KDM2B: variants seen among roughly 807,000 people sequenced by gnomAD.
KDM2B encodes lysine demethylase 2B, also known as lysine-specific demethylase 2B.
KDM2B carries 26 observed loss-of-function variants against 150.0 expected under a neutral mutation model. That is an observed-to-expected ratio of 0.17 (90% CI 0.13 to 0.24). KDM2B has a LOEUF of 0.24. Ranked by LOEUF, KDM2B falls within the 10% of genes least tolerant of loss-of-function variation. KDM2B has a pLI of 1.00. For synonymous variants in KDM2B, 734 were observed against 729.5 expected (o/e 1.01, Z -0.10); for missense variants, 1,265 against 1,816.9 (o/e 0.70, Z 5.52).
At chr12:121,526,320 T>G (rs1887128910) in intron 8 of KDM2B, among the ~76,000 whole-genome samples, 1 of 152,048 alleles carries the variant, frequency 6.6e-6, no homozygotes, top group East Asian at 1.9e-4. Context: ...GCCATTGCCC[T>G]CCAGCCTGGG....
intron 12 of KDM2B, among the ~76,000 whole-genome samples, chr12:121,480,569 G>C (rs1248681395): frequency 9.5e-6 from 1 of 105,798 alleles, no homozygotes; most frequent in Admixed American, 1.4e-4. Flanking sequence ...AACATAATGA[G>C]ACCCTGTCGC....
rs782533332 is a variant in KDM2B at position 121,578,789 on chromosome 12, G to A, written c.271+13C>T. ...CGCAGCGCAGAGGGCGGCCCGGGGT[G>A]GGGGCGCCTCACCTTTGCCCTCCAT... On this transcript the variant is annotated intron_variant, in intron 2 of 22. Coordinates refer to ENST00000377071, the MANE Select transcript of KDM2B (RefSeq NM_032590.5). 6.6e-7 allele frequency: 1 copy of A among 1,517,482 alleles called. No individual in the cohort carries two copies. The highest frequency in any genetic ancestry group is 1.2e-5 in the South Asian group (1 of 83,374). The allele number at this position is 1,517,482 out of a possible 1,614,324, so 94.0% of individuals were successfully genotyped here.
intron 12 of KDM2B, chr12:121,494,288 G>T: frequency 2.7e-6 from 1 of 373,360 alleles, no homozygotes; most frequent in Non-Finnish European, 4.9e-6. Flanking sequence ...AAGGGAGTGA[G>T]GGAAGGAGAG....
intron 12 of KDM2B, among the ~76,000 whole-genome samples, chr12:121,473,736 AGAG>A (rs1881034908): frequency 7.1e-6 from 1 of 141,520 alleles, no homozygotes; most frequent in Non-Finnish European, 1.6e-5. Context: ...AAAAAAAAAG[AGAG>A]AGAGAGAGAG....
At chr12:121,461,373 G>C (rs530495399) in intron 12 of KDM2B, among the ~76,000 whole-genome samples, 2 of 152,150 alleles carry the variant, frequency 1.3e-5, no homozygotes, top group Admixed American at 6.5e-5. Flanking sequence ...TAAGTTAAAG[G>C]CTTCACAACA....
At chr12:121,463,302 C>T (rs1354169061) in intron 12 of KDM2B, among the ~76,000 whole-genome samples, 1 of 150,748 alleles carries the variant, frequency 6.6e-6, no homozygotes, top group Non-Finnish European at 1.5e-5. Flanking sequence ...GACAACAGAG[C>T]GAGACTCCGT....
rs781866255 is a variant in KDM2B at position 121,575,736 on chromosome 12, T to C, written c.350+45A>G. The stretch of plus-strand genomic sequence containing the variant: ...ATCCATCCCAAGCTATAAAGTATGT[T>C]AGGGAGGAAGACGGGGGAAGGAGTG... On this transcript the variant is annotated intron_variant, in intron 3 of 22. Transcript: ENST00000377071. The surrounding 1 kb of genome is among the most constrained non-coding windows in gnomAD (Gnocchi z 4.4). The C allele has an allele frequency of 5.3e-6, 7 of 1,323,596 alleles. No homozygotes were observed. Among genetic ancestry groups the C allele is most frequent in the Non-Finnish European group, 7.6e-6 (7 of 915,110 alleles). The allele number at this position is 1,323,596 out of a possible 1,614,324, so 82.0% of individuals were successfully genotyped here.
rs782123326 is a variant in KDM2B at position 121,442,610 on chromosome 12, T to C, written c.2831A>G (p.Lys944Arg). 1.2e-6 allele frequency: 2 copies of C among 1,602,574 alleles called. No homozygotes were observed. Among genetic ancestry groups the C allele is most frequent in the South Asian group, 2.2e-5 (2 of 90,940 alleles). ...CTTGCTCAGCTCCCTGCTCAGCTCC[T>C]TGTTGGGAAGCCGCCGCTTCCGGCG... ...KMRRKRRLPN[K>R]ELSRELSKEL... The change falls in exon 19 of 23, where the codon AAG becomes AGG. Residue 944 changes from lysine to arginine, a missense_variant. By Grantham distance (26) the Lys-to-Arg change is conservative (BLOSUM62 2). This residue lies in a region of KDM2B where 418 missense variants were observed against 402.4 expected (regional missense o/e 1.04). Coordinates refer to ENST00000377071, the MANE Select transcript of KDM2B (RefSeq NM_032590.5). This position sits in a 1 kb window ranked among gnomAD's most constrained non-coding sequence, Gnocchi z 7.7.
At chr12:121,516,105 C>A (rs1886164064) in intron 9 of KDM2B, among the ~76,000 whole-genome samples, 1 of 152,076 alleles carries the variant, frequency 6.6e-6, no homozygotes, top group Non-Finnish European at 1.5e-5. Context: ...GATTTTGGAA[C>A]GAATTACCAG....
intron 4 of KDM2B, among the ~76,000 whole-genome samples, chr12:121,565,581 T>C (rs182148486): frequency 1.3e-5 from 2 of 152,096 alleles, no homozygotes; most frequent in East Asian, 1.9e-4. Context: ...CCTCCCAAAG[T>C]GCTAGAATTA....
At chr12:121,499,624 C>G (rs1555301561) in intron 11 of KDM2B, among the ~76,000 whole-genome samples, 1 of 151,902 alleles carries the variant, frequency 6.6e-6, no homozygotes, top group African/African-American at 2.4e-5. Context: ...TACACTCCAA[C>G]CTGGGCAAAA....
intron 12 of KDM2B, among the ~76,000 whole-genome samples, chr12:121,478,000 C>T (rs1428331713): frequency 5.3e-5 from 8 of 152,204 alleles, no homozygotes; most frequent in Admixed American, 4.6e-4. Context: ...GTCTCAGCCT[C>T]CCAAAGTGTT....
intron 2 of KDM2B, among the ~76,000 whole-genome samples, chr12:121,578,367 G>A (rs1163664476): frequency 6.6e-6 from 1 of 152,184 alleles, no homozygotes; most frequent in Non-Finnish European, 1.5e-5. Flanking sequence ...AACGGGATTG[G>A]GAAGGCTTCG....
At chr12:121,436,287 C>T (rs752999645) in intron 22 of KDM2B, among the ~76,000 whole-genome samples, 14 of 152,038 alleles carry the variant, frequency 9.2e-5, no homozygotes, top group South Asian at 2.1e-4. Context: ...TTTGGGAGGC[C>T]GAGGCGGGCG....
chr12:121,539,326 C>CA (rs60048517), intron 6 of KDM2B, among the ~76,000 whole-genome samples: 899 of 58,582 alleles, frequency 0.015, 22 homozygotes, highest in Non-Finnish European at 0.02. Flanking sequence ...GACCCTCTCC[C>CA]AAAAAAAAAA....
rs1472347367 is a variant in KDM2B, at chr12:121,481,461, G to C, written c.1734+13118C>G. Among the ~76,000 whole-genome samples, 10 of 144,952 alleles carry C rather than the reference G, an allele frequency of 6.9e-5. 1 individual carries two copies. In the East Asian group the frequency reaches 1.5e-3, roughly 21 times the overall value. Reference sequence around the variant, plus strand: ...TTCAATAGGTCACCTAAATTTGAGGGACAGATTATCTGACAACATCGTTTG... The same window carrying C: ...TTCAATAGGTCACCTAAATTTGAGGCACAGATTATCTGACAACATCGTTTG... On this transcript the variant is annotated intron_variant, in intron 12 of 22. Transcript: ENST00000377071.
At chr12:121,423,263 A>G in the KDM2B span, 2 of 656,362 alleles carry the variant, frequency 3.0e-6, no homozygotes, top group Non-Finnish European at 5.2e-6. This position sits in a 1 kb window ranked among gnomAD's most constrained non-coding sequence, Gnocchi z 4.3. Flanking sequence ...CTTGTACAAC[A>G]CTGGGGTGGC....
Position 121,513,176 on chromosome 12 carries a change from G to A in KDM2B, c.1174+100C>T, listed in dbSNP as rs1279161193. On this transcript the variant is annotated intron_variant, in intron 10 of 22. Coordinates refer to ENST00000377071, the MANE Select transcript of KDM2B (RefSeq NM_032590.5). The surrounding 1 kb of genome is among the most constrained non-coding windows in gnomAD (Gnocchi z 5.0). The stretch of plus-strand genomic sequence containing the variant: ...ATTCTGCCCAATACACTGATTCAAC[G>A]AATCCCCAAAACTCAGGGAGTGTCT... The A allele has an allele frequency of 1.2e-5, 17 of 1,407,192 alleles. No homozygotes were observed. The highest frequency in any genetic ancestry group is 5.7e-5 in the African/African-American group (4 of 70,512). The allele number at this position is 1,407,192 out of a possible 1,614,324, so 87.2% of individuals were successfully genotyped here.
chr12:121,446,593 A>G (rs1183362052), intron 13 of KDM2B, among the ~76,000 whole-genome samples: 1 of 152,192 alleles, frequency 6.6e-6, no homozygotes, highest in Non-Finnish European at 1.5e-5. Flanking sequence ...TGAAATGGCC[A>G]CTTTCTCCAC....
Sources: allele counts gnomAD v4.1 joint callset (sites outside exome capture counted in the v4.1 genomes callset), GRCh38; gene constraint gnomAD v4.1.1; regional missense constraint gnomAD v4.1.1; non-coding constraint Gnocchi (gnomAD v3.1); transcripts MANE v1.5; gene names NCBI Gene and HGNC (gene_info 2026-07-23, HGNC 2026-07-21).